The following UBE2L3 variants were observed in gnomAD, a reference collection of about 807,000 sequenced individuals.
The protein encoded by UBE2L3 is ubiquitin-conjugating enzyme E2 L3.
A neutral mutation model predicts 17.8 loss-of-function variants in UBE2L3; 1 was observed. The ratio of observed to expected loss-of-function variants is 0.06; its 90% CI spans 0.02 to 0.27. The LOEUF (loss-of-function observed/expected upper bound fraction) is 0.27. Ranked by LOEUF, UBE2L3 falls within the 10% of genes least tolerant of loss-of-function variation. UBE2L3 has a pLI of 1.00. For missense variants in UBE2L3, 40 were observed against 192.6 expected, an observed-to-expected ratio of 0.21 and a Z score of 4.69; for synonymous variants, 44 against 68.5, an observed-to-expected ratio of 0.64 and a Z score of 1.76.
At chr22:21,556,140 A>T (rs1375425848) in intron 1 of UBE2L3, among the ~76,000 whole-genome samples, 2 of 152,350 alleles carry the variant, frequency 1.3e-5, no homozygotes, top group African/African-American at 2.4e-5. Context: ...CTGAGGTGGG[A>T]AGATTGCTTG....
chr22:21,559,031 C>T (rs1285813130), intron 1 of UBE2L3, among the ~76,000 whole-genome samples: 2 of 151,618 alleles, frequency 1.3e-5, no homozygotes, highest in Non-Finnish European at 2.9e-5. Flanking sequence ...TACCCTCTCC[C>T]GGTCCAGCTT....
intron 1 of UBE2L3, among the ~76,000 whole-genome samples, chr22:21,559,209 G>A (rs1313288381): frequency 3.3e-5 from 5 of 152,230 alleles, no homozygotes; most frequent in Non-Finnish European, 4.4e-5. Context: ...TTAGCCGGAC[G>A]TGGTGGCAGG....
intron 1 of UBE2L3, among the ~76,000 whole-genome samples, chr22:21,586,586 T>G (rs904670949): frequency 6.7e-5 from 10 of 150,170 alleles, no homozygotes; most frequent in Middle Eastern, 3.4e-3. Flanking sequence ...TTTTTTTTTT[T>G]AAACGGAGTC....
chr22:21,573,361 T>A, intron 1 of UBE2L3, among the ~76,000 whole-genome samples: 1 of 152,036 alleles, frequency 6.6e-6, no homozygotes, highest in Non-Finnish European at 1.5e-5. Context: ...GCACACACAC[T>A]CTGGATCTCG....
At chr22:21,611,956 G>A (rs1929502922) in intron 3 of UBE2L3, among the ~76,000 whole-genome samples, 3 of 152,110 alleles carry the variant, frequency 2.0e-5, no homozygotes, top group South Asian at 4.1e-4. Context: ...CAGATCAGAC[G>A]GAGTCCAGAG....
rs1429044303 is a variant in UBE2L3 at position 21,559,780 on chromosome 22, T to G, written c.201+10130T>G. Among the ~76,000 whole-genome samples the G allele has an allele frequency of 3.9e-5, 6 of 152,268 alleles. No homozygotes were observed. The East Asian group carries it at 1.2e-3, about 30-fold the overall frequency. ...GCACTGATATTTTCCCGTCCTATCA[T>G]GACCCTCGTTTGAGGGTGCAGGGAG... On this transcript the variant is annotated intron_variant, in intron 1 of 3. Coordinates refer to the UBE2L3 transcript ENST00000458578.
intron 3 of UBE2L3, among the ~76,000 whole-genome samples, chr22:21,611,974 A>G (rs558089194): frequency 5.9e-5 from 9 of 152,168 alleles, no homozygotes; most frequent in African/African-American, 1.4e-4. Context: ...GAGAACTCCT[A>G]CCTTACCAGG....
chr22:21,582,191 A>T (rs1244817890), intron 1 of UBE2L3, among the ~76,000 whole-genome samples: 1 of 151,178 alleles, frequency 6.6e-6, no homozygotes, highest in African/African-American at 2.4e-5. Context: ...GTGCTTATAG[A>T]CTTGTAGTCA....
At chr22:21,597,441 A>G (rs1223357178) in intron 2 of UBE2L3, among the ~76,000 whole-genome samples, 1 of 151,976 alleles carries the variant, frequency 6.6e-6, no homozygotes, top group East Asian at 1.9e-4. Context: ...CTATAGGCAC[A>G]TGCTGCAACC....
At chr22:21,582,661 G>A (rs1927709086) in intron 1 of UBE2L3, among the ~76,000 whole-genome samples, 1 of 152,130 alleles carries the variant, frequency 6.6e-6, no homozygotes, top group South Asian at 2.1e-4. Flanking sequence ...GAGTAGCTGG[G>A]ATTACAGGCG....
chr22:21,588,284 T>G (rs1928055551), intron 1 of UBE2L3, among the ~76,000 whole-genome samples: 2 of 152,162 alleles, frequency 1.3e-5, no homozygotes, highest in Non-Finnish European at 2.9e-5. Flanking sequence ...TTCTTGGAAT[T>G]TACATTGGTT....
intron 1 of UBE2L3, among the ~76,000 whole-genome samples, chr22:21,570,779 T>A (rs1012523989): frequency 6.6e-6 from 1 of 152,138 alleles, no homozygotes; most frequent in Non-Finnish European, 1.5e-5. Context: ...AGGGTGGTAA[T>A]AAAGTGATTT....
intron 2 of UBE2L3, among the ~76,000 whole-genome samples, chr22:21,606,424 A>AT (rs1568985232): frequency 6.6e-6 from 1 of 152,092 alleles, no homozygotes; most frequent in African/African-American, 2.4e-5. Flanking sequence ...GGTTCAAGTG[A>AT]TTCTCCTGGC....
At chr22:21,564,413 G>A (rs1435139102), upstream of UBE2L3, among the ~76,000 whole-genome samples, 3 of 152,140 alleles carry the variant, frequency 2.0e-5, no homozygotes, top group East Asian at 3.8e-4. Context: ...AGGGGATCGG[G>A]TATGACTAGA....
chr22:21,593,126 T>C (rs562645777), intron 2 of UBE2L3, among the ~76,000 whole-genome samples, 170 bp downstream of exon 2: 1 of 152,276 alleles, frequency 6.6e-6, no homozygotes, highest in East Asian at 1.9e-4. Context: ...CCTTGGGTCC[T>C]GAGTAGAGTC....
chr22:21,565,402 T>G (rs1926592504), upstream of UBE2L3, among the ~76,000 whole-genome samples: 1 of 151,414 alleles, frequency 6.6e-6, no homozygotes, highest in Non-Finnish European at 1.5e-5. Flanking sequence ...CCAGGATATA[T>G]TATTTCCAGT....
At chr22:21,558,428 C>T (rs1212933871) in intron 1 of UBE2L3, among the ~76,000 whole-genome samples, 1 of 152,332 alleles carries the variant, frequency 6.6e-6, no homozygotes, top group East Asian at 1.9e-4. Context: ...GTCAGGAGAT[C>T]GAGACCATCC....
In UBE2L3 at chr22:21,610,847, T is replaced by C; in HGVS notation, c.124-10T>C. On this transcript the variant is annotated splice_polypyrimidine_tract_variant and intron_variant, in intron 2 of 3. Coordinates refer to ENST00000342192, the MANE Select transcript of UBE2L3 (RefSeq NM_003347.4). ...ATGGTGTGTTCATTTTGATCTCTCT[T>C]TCCTTCCAGGACAACCCTCCATATG... The C allele has an allele frequency of 6.3e-7, 1 of 1,594,276 alleles. No homozygotes were observed. Among genetic ancestry groups the C allele is most frequent in the South Asian group, 1.1e-5 (1 of 88,368 alleles).
At chr22:21,620,698 C>T (rs896678670) in intron 3 of UBE2L3, among the ~76,000 whole-genome samples, 5 of 152,244 alleles carry the variant, frequency 3.3e-5, no homozygotes, top group African/African-American at 4.8e-5. Context: ...CAATGTGATG[C>T]GATGGCGGTT....
Sources: gnomAD v4.1 joint callset for allele counts (sites outside exome capture counted in the v4.1 genomes callset) on GRCh38, gnomAD v4.1.1 for gene constraint, MANE v1.5 for transcripts, NCBI Gene and HGNC (gene_info 2026-07-23, HGNC 2026-07-21) for gene names.